ETNK2: variants seen among roughly 807,000 people sequenced by gnomAD.
The protein encoded by ETNK2 is ethanolamine kinase-like protein.
In ETNK2, 33 loss-of-function variants were observed where a neutral mutation model predicts 46.2. The observed-to-expected ratio is 0.71, with a 90% confidence interval of 0.54 to 0.96. The LOEUF (loss-of-function observed/expected upper bound fraction) is 0.96. Ranked by LOEUF, ETNK2 falls within the 40% of genes least tolerant of loss-of-function variation. The probability of loss-of-function intolerance (pLI) is 0.00; values close to 1 mark genes in which losing one functional copy is unlikely to be tolerated. For synonymous variants in ETNK2, 194 were observed against 209.0 expected (o/e 0.93, Z 0.62); for missense variants, 445 against 509.7 (o/e 0.87, Z 1.22).
intron 7 of ETNK2, among the ~76,000 whole-genome samples, chr1:204,132,494 C>T (rs1261052508): frequency 6.6e-6 from 1 of 152,158 alleles, no homozygotes; most frequent in Non-Finnish European, 1.5e-5. Context: ...AGTGCAATGG[C>T]ATGATCTTGG....
intron 1 of ETNK2, among the ~76,000 whole-genome samples, 177 bp from the exon 2 acceptor site, chr1:204,150,139 A>G (rs1657950153): frequency 6.6e-6 from 1 of 152,098 alleles, no homozygotes; most frequent in African/African-American, 2.4e-5. Context: ...CAACCTTGGG[A>G]GTCTCCAGTC....
intron 7 of ETNK2, among the ~76,000 whole-genome samples, chr1:204,132,624 G>C (rs1316972686): frequency 6.6e-6 from 1 of 151,950 alleles, no homozygotes; most frequent in African/African-American, 2.4e-5. Context: ...GTAGAGACAG[G>C]GTTTCACCAT....
chr1:204,133,481 C>CT (rs55983645), intron 7 of ETNK2, among the ~76,000 whole-genome samples: 14,617 of 143,812 alleles, frequency 0.1, 727 homozygotes, highest in Middle Eastern at 0.14. Flanking sequence ...CCATGCTTTG[C>CT]TTTTTTTTTT....
chr1:204,147,503 G>T (rs2102301562), intron 2 of ETNK2: 1 of 533,358 alleles, frequency 1.9e-6, no homozygotes, highest in Non-Finnish European at 3.8e-6. Flanking sequence ...ATCGCCCGAG[G>T]CCCTGTGTCC....
intron 3 of ETNK2, among the ~76,000 whole-genome samples, chr1:204,144,296 A>G (rs1178830666): frequency 7.3e-6 from 1 of 137,370 alleles, no homozygotes; most frequent in African/African-American, 2.7e-5. Flanking sequence ...CGGTGAGCTG[A>G]GATCATGCCA....
intron 2 of ETNK2, among the ~76,000 whole-genome samples, chr1:204,149,165 C>T (rs886381810): frequency 6.6e-6 from 1 of 152,196 alleles, no homozygotes; most frequent in African/African-American, 2.4e-5. Context: ...TCTTGTGAGC[C>T]TTTGAAAGGA....
chr1:204,132,400 GTAT>G (rs1332475057), intron 7 of ETNK2, 144 bp from the exon 8 acceptor site: 3 of 625,240 alleles, frequency 4.8e-6, no homozygotes, highest in African/African-American at 1.9e-5. Flanking sequence ...AGACTGATTA[GTAT>G]TATTATTTCT....
At chr1:204,149,999 TGG>T in intron 1 of ETNK2, 37 bp from the exon 2 acceptor site, 1 of 59,728 alleles carries the variant, frequency 1.7e-5, no homozygotes, top group Non-Finnish European at 3.0e-5. Context: ...GGTGGGTGGG[TGG>T]GGCAGGATCT....
At chr1:204,144,067 G>A (rs1323253857) in intron 3 of ETNK2, among the ~76,000 whole-genome samples, 6 of 152,156 alleles carry the variant, frequency 3.9e-5, no homozygotes, top group African/African-American at 7.2e-5. Context: ...CTTCCTGGCC[G>A]GGCGCAGTGG....
chr1:204,136,439 G>A (rs1657287960), intron 6 of ETNK2, among the ~76,000 whole-genome samples: 1 of 147,316 alleles, frequency 6.8e-6, no homozygotes, highest in Admixed American at 6.7e-5. Context: ...GCCGGGCGCA[G>A]TAGTTCACTC....
chr1:204,139,017 GT>G (rs1657395377), intron 5 of ETNK2: 1 of 93,662 alleles, frequency 1.1e-5, no homozygotes, highest in Admixed American at 9.3e-5. Flanking sequence ...TCATACATAT[GT>G]GTGTGTGTGT....
At chr1:204,145,555 G>C (rs1657748957) in intron 3 of ETNK2, among the ~76,000 whole-genome samples, 1 of 152,240 alleles carries the variant, frequency 6.6e-6, no homozygotes, top group Non-Finnish European at 1.5e-5. Context: ...GTCTGAACAT[G>C]GTCAAAGAGA....
chr1:204,134,693 C>T (rs1219323670), intron 6 of ETNK2, 105 bp from the exon 7 acceptor site: 2 of 1,607,924 alleles, frequency 1.2e-6, no homozygotes, highest in African/African-American at 1.3e-5. Flanking sequence ...ACAGCTAGGA[C>T]CCTGGAAGAG....
chr1:204,150,126 C>T (rs774447193), intron 1 of ETNK2, among the ~76,000 whole-genome samples, 164 bp from the exon 2 acceptor site: 7 of 152,174 alleles, frequency 4.6e-5, no homozygotes, highest in Non-Finnish European at 1.0e-4. Flanking sequence ...TCCTCTCTGT[C>T]CCCAACCTTG....
intron 3 of ETNK2, 114 bp from the exon 4 acceptor site, chr1:204,141,571 T>C: frequency 1.6e-6 from 2 of 1,239,500 alleles, no homozygotes; most frequent in South Asian, 3.0e-5. Context: ...GCAGGGGGCC[T>C]TGGAAAAATG....
At chr1:204,149,185 A>G (rs981384486) in intron 2 of ETNK2, among the ~76,000 whole-genome samples, 12 of 152,190 alleles carry the variant, frequency 7.9e-5, no homozygotes, top group Admixed American at 5.2e-4. Flanking sequence ...AGGCCTTGAC[A>G]GTTCCCCAAA....
rs530687373 is a variant in ETNK2, at chr1:204,149,917, C to G, written c.304G>C (p.Glu102Gln). ...AGCACGCAGTCCTGCATGTCCTCCT[C>G]CACATAGCAGGCCACCAGCTTGTTG... ...ITNKLVACYV[E>Q]EDMQDCVLVR... Residue 102 changes from glutamate to glutamine, a missense_variant, in exon 2 of 8, where the codon GAG becomes CAG. Coordinates refer to ENST00000367202, the MANE Select transcript of ETNK2 (RefSeq NM_018208.4). 6.4e-7 allele frequency: 1 copy of G among 1,565,188 alleles called. No individual in the cohort carries two copies. The highest frequency in any genetic ancestry group is 2.4e-5 in the East Asian group (1 of 41,776).
Position 204,132,143 on chromosome 1 carries a change from T to C in ETNK2, c.*41A>G. 2 of 1,495,458 alleles carry C rather than the reference T, an allele frequency of 1.3e-6. No individual in the cohort carries two copies. Among genetic ancestry groups the C allele is most frequent in the Non-Finnish European group, 1.8e-6 (2 of 1,095,378 alleles). 92.6% of individuals were successfully genotyped at this position (1,495,458 alleles called of 1,614,324 possible). A position where few individuals can be genotyped will look rare whatever the true frequency, so the allele number is the denominator to read the frequency against. Reference sequence around the variant, plus strand: ...GCAGAATTGAGCTCTGGAGAACAGGTCTGGCCAGACAGATGGGTAGGGGAG... The same window carrying C: ...GCAGAATTGAGCTCTGGAGAACAGGCCTGGCCAGACAGATGGGTAGGGGAG... On this transcript the variant is annotated 3_prime_UTR_variant, in exon 8 of 8. Transcript: ENST00000367202.
At position 204,151,500 on chromosome 1, in the gene ETNK2, G is replaced by A; in HGVS notation, c.258+95C>T. Reference sequence around the variant, plus strand: ...CTTGCGCAGCAGCCGCGCACCCCTGGGACTGACACCCGGAAGGATGCGAGG... The same window carrying A: ...CTTGCGCAGCAGCCGCGCACCCCTGAGACTGACACCCGGAAGGATGCGAGG... On this transcript the variant is annotated intron_variant, in intron 1 of 7. Coordinates refer to ENST00000367202, the MANE Select transcript of ETNK2 (RefSeq NM_018208.4). The surrounding 1 kb of genome is among the most constrained non-coding windows in gnomAD (Gnocchi z 8.0). 3 of 1,500,876 alleles carry A rather than the reference G, an allele frequency of 2.0e-6. No individual in the cohort carries two copies. The highest frequency in any genetic ancestry group is 2.7e-6 in the Non-Finnish European group (3 of 1,114,808). The allele number at this position is 1,500,876 out of a possible 1,614,324, so 93.0% of individuals were successfully genotyped here.
Sources: allele counts gnomAD v4.1 joint callset (sites outside exome capture counted in the v4.1 genomes callset), GRCh38; gene constraint gnomAD v4.1.1; non-coding constraint Gnocchi (gnomAD v3.1); transcripts MANE v1.5; gene names NCBI Gene and HGNC (gene_info 2026-07-23, HGNC 2026-07-21).